The following NREP variants were observed in gnomAD, a reference collection of about 807,000 sequenced individuals.
The protein encoded by NREP is neuronal regeneration related protein.
NREP carries 5 observed loss-of-function variants against 8.6 expected under a neutral mutation model. The observed-to-expected ratio is 0.58, with a 90% CI of 0.30 to 1.22. The LOEUF (loss-of-function observed/expected upper bound fraction) is 1.22, where lower values mean the gene tolerates loss of function less well. NREP is among the 50% of genes most tolerant of loss of function. The pLI, the probability that NREP is intolerant of heterozygous loss-of-function variation, is 0.07. For synonymous variants in NREP, 27 were observed against 28.0 expected, an observed-to-expected ratio of 0.96 and a Z score of 0.11; for missense variants, 86 against 82.5, an observed-to-expected ratio of 1.04 and a Z score of -0.17.
chr5:111,872,845 CAGA>C, intron 2 of NREP, among the ~76,000 whole-genome samples: 1 of 152,214 alleles, frequency 6.6e-6, no homozygotes, highest in South Asian at 2.1e-4. Context: ...TAACACTTCT[CAGA>C]AGTTTTCCTG....
intron 3 of NREP, 68 bp from the exon 4 acceptor site, chr5:111,731,114 A>G: frequency 6.4e-7 from 1 of 1,572,094 alleles, no homozygotes; most frequent in Admixed American, 1.8e-5. Context: ...TGCTTCTGAA[A>G]CCATTTTTTA....
chr5:111,889,859 G>A (rs1241711358), intron 2 of NREP, among the ~76,000 whole-genome samples: 2 of 152,162 alleles, frequency 1.3e-5, no homozygotes, highest in African/African-American at 2.4e-5. Flanking sequence ...ACAGTTAAAG[G>A]GGGTTATTCT....
chr5:111,730,973 A>C lies in NREP; in HGVS notation c.155T>G (p.Leu52Arg). ...TGGGGAGCGGAGTTCACTGCTGCCCAGTGGAGTCAGGGAGGCAGCGTTTGT... is the reference window on the plus strand; with the variant it reads ...TGGGGAGCGGAGTTCACTGCTGCCCCGTGGAGTCAGGGAGGCAGCGTTTGT... Reference protein sequence around the residue: ...DETNAASLTPLGSSELRSPRI... With the variant: ...DETNAASLTPRGSSELRSPRI... Residue 52 changes from leucine (L) to arginine (R), a missense_variant, in exon 4 of 4, where the codon CTG becomes CGG. Transcript: ENST00000257435. The C allele has an allele frequency of 1.2e-6, 2 of 1,613,926 alleles. No homozygotes were observed. The highest frequency in any genetic ancestry group is 4.5e-5 in the East Asian group (2 of 44,880).
At chr5:111,840,155 C>G (rs1334572391) in intron 2 of NREP, among the ~76,000 whole-genome samples, 1 of 152,014 alleles carries the variant, frequency 6.6e-6, no homozygotes, top group Non-Finnish European at 1.5e-5. Flanking sequence ...AATTTATACA[C>G]ACACACACTC....
intron 2 of NREP, among the ~76,000 whole-genome samples, chr5:111,799,406 A>T (rs1280177605): frequency 1.3e-5 from 2 of 152,146 alleles, no homozygotes; most frequent in African/African-American, 2.4e-5. Context: ...TGAGCATGGG[A>T]TGTGTTTGTT....
intron 2 of NREP, among the ~76,000 whole-genome samples, chr5:111,806,447 G>T: frequency 6.6e-6 from 1 of 152,174 alleles, no homozygotes; most frequent in East Asian, 1.9e-4. Context: ...TTACGATCGT[G>T]TGTTCATATT....
chr5:111,762,934 A>G (rs1200358384), intron 2 of NREP, among the ~76,000 whole-genome samples: 9 of 152,258 alleles, frequency 5.9e-5, no homozygotes, highest in Non-Finnish European at 1.3e-4. Flanking sequence ...TTATACGTCC[A>G]GGGCTTTATC....
intron 2 of NREP, among the ~76,000 whole-genome samples, chr5:111,791,615 C>A (rs1246495697): frequency 6.6e-6 from 1 of 152,074 alleles, no homozygotes; most frequent in African/African-American, 2.4e-5. Flanking sequence ...GTAGCTGGGA[C>A]TATAGGTGTG....
intron 2 of NREP, among the ~76,000 whole-genome samples, chr5:111,763,482 C>A (rs1751012658): frequency 6.6e-6 from 1 of 152,148 alleles, no homozygotes. Flanking sequence ...AATTGTAAAT[C>A]CCTGGAAAAG....
At chr5:111,740,594 G>C (rs1281919551) in intron 2 of NREP, among the ~76,000 whole-genome samples, 2 of 152,052 alleles carry the variant, frequency 1.3e-5, no homozygotes, top group Non-Finnish European at 2.9e-5. Context: ...ATTAATAGCT[G>C]ACAACTAGTG....
chr5:111,818,336 A>G (rs1345457308), intron 2 of NREP, among the ~76,000 whole-genome samples: 8 of 152,202 alleles, frequency 5.3e-5, no homozygotes, highest in Non-Finnish European at 1.2e-4. Context: ...ACAAAAAGAA[A>G]CTTTAAAAAA....
chr5:111,817,481 A>G (rs1232436238), intron 2 of NREP, among the ~76,000 whole-genome samples: 1 of 152,110 alleles, frequency 6.6e-6, no homozygotes, highest in African/African-American at 2.4e-5. Flanking sequence ...TAGATTTTTT[A>G]GATAATTGAT....
intron 2 of NREP, among the ~76,000 whole-genome samples, chr5:111,914,314 T>C (rs1442678616): frequency 6.6e-6 from 1 of 152,162 alleles, no homozygotes; most frequent in African/African-American, 2.4e-5. Flanking sequence ...AGAATCAATG[T>C]ACTTTGTGTT....
At chr5:111,963,909 T>C (rs1756554316) in intron 2 of NREP, among the ~76,000 whole-genome samples, 1 of 152,202 alleles carries the variant, frequency 6.6e-6, no homozygotes, top group African/African-American at 2.4e-5. Context: ...GTAAGGACTT[T>C]TTAAAAAATT....
chr5:111,891,253 T>C (rs1754387782), intron 2 of NREP, among the ~76,000 whole-genome samples: 1 of 152,260 alleles, frequency 6.6e-6, no homozygotes, highest in Non-Finnish European at 1.5e-5. Flanking sequence ...CCAAGTTGTT[T>C]GCTAAAGCAT....
upstream of NREP, among the ~76,000 whole-genome samples, chr5:111,760,934 T>C (rs1750946236): frequency 6.6e-6 from 1 of 152,210 alleles, no homozygotes; most frequent in Non-Finnish European, 1.5e-5. Flanking sequence ...GCTAAATGTA[T>C]CTCAAATCTA....
In NREP at chr5:111,826,040, G is replaced by A. The variant is rs137974112; in HGVS notation, c.136-90533C>T. Among the ~76,000 whole-genome samples the A allele has an allele frequency of 2.1e-3, 319 of 150,406 alleles. 3 individuals carry two copies. Among genetic ancestry groups the A allele is most frequent in the African/African-American group, 7.1e-3 (290 of 40,826 alleles). ...ACAGTCTCAGCTCACTGTAACCTCC[G>A]CCTACCGTGTTCAAGCGATTCTCCT... On this transcript the variant is annotated intron_variant, in intron 2 of 3. Coordinates refer to the NREP transcript ENST00000395634.
At chr5:111,850,982 T>C (rs1320601705) in intron 2 of NREP, among the ~76,000 whole-genome samples, 5 of 152,158 alleles carry the variant, frequency 3.3e-5, no homozygotes, top group African/African-American at 1.2e-4. Flanking sequence ...ATAGAGATAG[T>C]AAGAATTCAC....
At chr5:111,910,546 T>C (rs1305294688) in intron 2 of NREP, among the ~76,000 whole-genome samples, 1 of 152,112 alleles carries the variant, frequency 6.6e-6, no homozygotes, top group Non-Finnish European at 1.5e-5. Context: ...TGGAAAATTA[T>C]ATATTGTATG....
Sources: allele counts gnomAD v4.1 joint callset (sites outside exome capture counted in the v4.1 genomes callset), GRCh38; gene constraint gnomAD v4.1.1; transcripts MANE v1.5; gene names NCBI Gene and HGNC (gene_info 2026-07-23, HGNC 2026-07-21).